The following ADAM28 variants were observed in gnomAD, a reference collection of about 807,000 sequenced individuals.
The protein encoded by ADAM28 is disintegrin and metalloproteinase domain-containing protein 28.
ADAM28 carries 105 observed loss-of-function variants against 101.2 expected under a neutral mutation model. The observed-to-expected ratio is 1.04, with a 90% CI of 0.89 to 1.22. ADAM28 has a LOEUF of 1.22. Ranked by LOEUF, ADAM28 falls within the 50% of genes most tolerant of loss-of-function variation. The pLI, the probability that ADAM28 is intolerant of heterozygous loss-of-function variation, is 0.00. For synonymous variants in ADAM28, 322 were observed against 310.6 expected (o/e 1.04, Z -0.39); for missense variants, 1,028 against 945.4 (o/e 1.09, Z -1.15).
chr8:24,318,129 C>T (rs981479031), intron 6 of ADAM28, among the ~76,000 whole-genome samples: 5 of 151,946 alleles, frequency 3.3e-5, no homozygotes, highest in East Asian at 1.9e-4. Context: ...TACTTGAACA[C>T]GGTTTGAACA....
At position 24,300,056 on chromosome 8, in the gene ADAM28, G is replaced by T. The variant is rs148373608; in HGVS notation, c.129G>T (p.Glu43Asp). 2.9e-4 allele frequency: 462 copies of T among 1,613,434 alleles called. No homozygotes were observed. The highest frequency in any genetic ancestry group is 3.8e-4 in the Non-Finnish European group (453 of 1,179,920). ...PIRLHPLHKR[E>D]AKEPEQQEQF... Reference sequence around the variant, plus strand: ...GACTTCATCCACTGCATAAAAGAGAGGCCAAAGAGCCAGAGCAACAGGTAC... The same window carrying T: ...GACTTCATCCACTGCATAAAAGAGATGCCAAAGAGCCAGAGCAACAGGTAC... The change falls in exon 2 of 23, where the codon GAG becomes GAT. Residue 43 changes from glutamate (E) to aspartate (D), a missense_variant. Glu to Asp is a conservative substitution (Grantham distance 45, BLOSUM62 2). Transcript: ENST00000265769.
chr8:24,325,033 G>T (rs1812357333), intron 9 of ADAM28: 1 of 151,956 alleles, frequency 6.6e-6, no homozygotes, highest in South Asian at 2.1e-4. Flanking sequence ...TGCAAGGCTG[G>T]TTCATTGAGG....
chr8:24,340,645 T>A (rs1814648678), intron 15 of ADAM28, among the ~76,000 whole-genome samples: 1 of 152,172 alleles, frequency 6.6e-6, no homozygotes, highest in Non-Finnish European at 1.5e-5. Context: ...TTCTCAGTAG[T>A]CATTGGCTAT....
intron 2 of ADAM28, among the ~76,000 whole-genome samples, chr8:24,308,999 A>G (rs1325151115): frequency 2.0e-5 from 3 of 152,184 alleles, no homozygotes; most frequent in Non-Finnish European, 4.4e-5. Flanking sequence ...GATATCTTTA[A>G]TGACAATAAC....
At position 24,294,193 on chromosome 8, in the gene ADAM28, C is replaced by T. The variant is rs750962690; in HGVS notation, c.44C>T (p.Ala15Val). The T allele has an allele frequency of 6.2e-7, 1 of 1,613,976 alleles. No individual in the cohort carries two copies. The highest frequency in any genetic ancestry group is 1.3e-5 in the African/African-American group (1 of 74,910). The change falls in exon 1 of 23, where the codon GCA (alanine) becomes GTA (valine). Residue 15 changes from alanine to valine, a missense_variant and splice_region_variant. Coordinates refer to ENST00000265769, the MANE Select transcript of ADAM28 (RefSeq NM_014265.6). ...CCAGTCAGTCTCCTCCTCTCTGTTGCAGGTACATATTTAGCTCTTTTTCAG... is the reference window on the plus strand; with the variant it reads ...CCAGTCAGTCTCCTCCTCTCTGTTGTAGGTACATATTTAGCTCTTTTTCAG... ...LLPVSLLLSV[A>V]VSAIKELPGV...
At chr8:24,333,712 G>T (rs1813663520) in intron 13 of ADAM28, among the ~76,000 whole-genome samples, 1 of 151,946 alleles carries the variant, frequency 6.6e-6, no homozygotes, top group Non-Finnish European at 1.5e-5. Context: ...AGTAGTGTGG[G>T]GGTATCCCCA....
rs1488985028 is a variant in ADAM28 at position 24,351,253 on chromosome 8, C to T, written c.2121C>T (p.Thr707=). Residue 707 remains threonine (T), a synonymous_variant, in exon 20 of 23, where the codon ACC becomes ACT. Coordinates refer to ENST00000265769, the MANE Select transcript of ADAM28 (RefSeq NM_014265.6). ...ACAGGCCACTATCTACCACTGGCAC[C>T]AGGCCACACAAACAGAAGAGGAAAC... ...KDQRPLSTTG[T]RPHKQKRKPQ... 1.9e-6 allele frequency: 3 copies of T among 1,606,886 alleles called. No homozygotes were observed. The highest frequency in any genetic ancestry group is 2.5e-6 in the Non-Finnish European group (3 of 1,176,750).
intron 9 of ADAM28, among the ~76,000 whole-genome samples, chr8:24,325,441 C>CTG (rs1367944509): frequency 1.3e-5 from 2 of 151,936 alleles, no homozygotes; most frequent in African/African-American, 4.8e-5. Flanking sequence ...TCCGAATATA[C>CTG]TGTTTACTTA....
chr8:24,353,883 T>TGTCA (rs771247913), intron 22 of ADAM28, 51 bp downstream of exon 22: 4 of 1,294,324 alleles, frequency 3.1e-6, no homozygotes, highest in Non-Finnish European at 4.4e-6. Flanking sequence ...AATCTCCTAC[T>TGTCA]GTCAAGAGAA....
At chr8:24,297,796 C>A (rs1808175283) in intron 1 of ADAM28, among the ~76,000 whole-genome samples, 1 of 152,098 alleles carries the variant, frequency 6.6e-6, no homozygotes, top group African/African-American at 2.4e-5. Flanking sequence ...AAAATAATTA[C>A]AATAATTAGA....
rs1012985949 is a variant in ADAM28, at chr8:24,296,784, G to T, written c.46+2589G>T. ...TAAAATGAATTAGTAAAAACATATT[G>T]TGTTACACCTTGGATTTGTGTAATC... On this transcript the variant is annotated intron_variant, in intron 1 of 22. Transcript: ENST00000265769. 4.6e-5 allele frequency among the ~76,000 whole-genome samples: 7 copies of T among 152,290 alleles called. No individual in the cohort carries two copies. In the South Asian group the frequency reaches 8.3e-4, roughly 18 times the overall value.
Position 24,320,274 on chromosome 8 carries a change from C to G in ADAM28, c.615C>G (p.Tyr205Ter). Residue 205 changes from tyrosine (Y) to a stop codon, truncating the protein, a stop_gained, in exon 7 of 23, where the codon TAC becomes TAG. Transcript: ENST00000265769. LOFTEE classifies it high-confidence loss of function. Reference sequence around the variant, plus strand: ...GGAAGGTTCAGGAACATGAGAAATACATAGAATATTATTTGGTCCTGGATA... The same window carrying G: ...GGAAGGTTCAGGAACATGAGAAATAGATAGAATATTATTTGGTCCTGGATA... ...KDRKVQEHEKYIEYYLVLDNG... is the reference protein window; with the variant it reads ...KDRKVQEHEK 2 of 1,603,156 alleles carry G rather than the reference C, an allele frequency of 1.2e-6. No homozygotes were observed. Among genetic ancestry groups the G allele is most frequent in the Non-Finnish European group, 1.7e-6 (2 of 1,172,068 alleles).
At chr8:24,305,680 CT>C (rs1350440615) in intron 2 of ADAM28, among the ~76,000 whole-genome samples, 1 of 151,724 alleles carries the variant, frequency 6.6e-6, no homozygotes, top group Non-Finnish European at 1.5e-5. Flanking sequence ...CAATTAGAAC[CT>C]TTTAATGTTC....
intron 2 of ADAM28, among the ~76,000 whole-genome samples, chr8:24,304,105 CAAGTG>C (rs1321714892): frequency 1.3e-5 from 2 of 151,284 alleles, no homozygotes; most frequent in African/African-American, 4.9e-5. Context: ...AATTTAAACA[CAAGTG>C]AAGTGTTTTT....
rs1816750366 is a variant in ADAM28, at chr8:24,357,367, C to A, written c.*2963C>A. ...GTTTTCACATGGCTATAAAGAATAC[C>A]ACCTGAGACTGGGTAATTTATAAAG... On this transcript the variant is annotated 3_prime_UTR_variant, in exon 23 of 23. Coordinates refer to ENST00000265769, the MANE Select transcript of ADAM28 (RefSeq NM_014265.6). 1 of 152,058 alleles carries A rather than the reference C, an allele frequency of 6.6e-6. No individual in the cohort carries two copies. Among genetic ancestry groups the A allele is most frequent in the African/African-American group, 2.4e-5 (1 of 41,386 alleles). The allele number at this position is 152,058 out of a possible 1,614,324, so 9.4% of individuals were successfully genotyped here. A position where few individuals can be genotyped will look rare whatever the true frequency, so the allele number is the denominator to read the frequency against.
At chr8:24,342,519 G>A (rs1469077087) in intron 16 of ADAM28, among the ~76,000 whole-genome samples, 1 of 152,052 alleles carries the variant, frequency 6.6e-6, no homozygotes, top group African/African-American at 2.4e-5. Flanking sequence ...AAAATATTAG[G>A]TCTTGCCTAT....
rs1374148663 is a variant in ADAM28, at chr8:24,313,451, T to C, written c.447T>C (p.Asp149=). The C allele has an allele frequency of 3.1e-6, 5 of 1,613,694 alleles. No homozygotes were observed. The highest frequency in any genetic ancestry group is 4.2e-6 in the Non-Finnish European group (5 of 1,179,824). ...AACCTTTAAGCCCCATACATCGGGA[T>C]GGACAGGAGCATGCACTCTTCAAGT... ...FIEPLSPIHR[D]GQEHALFKYN... The change falls in exon 6 of 23, where the codon GAT becomes GAC. Residue 149 remains aspartate (D), a synonymous_variant. Transcript: ENST00000265769.
chr8:24,300,028 T>C lies in ADAM28; in HGVS notation c.101T>C (p.Ile34Thr), dbSNP rs1459377881. Residue 34 changes from isoleucine (I) to threonine (T), a missense_variant, in exon 2 of 23, where the codon ATA becomes ACA. By Grantham distance (89) the Ile-to-Thr change is moderately conservative. Coordinates refer to ENST00000265769, the MANE Select transcript of ADAM28 (RefSeq NM_014265.6). Reference sequence around the variant, plus strand: ...AAGAAGTATGAAGTGGTTTATCCTATAAGACTTCATCCACTGCATAAAAGA... The same window carrying C: ...AAGAAGTATGAAGTGGTTTATCCTACAAGACTTCATCCACTGCATAAAAGA... The part of the protein sequence containing the change: ...GVKKYEVVYP[I>T]RLHPLHKREA... 2 of 1,613,790 alleles carry C rather than the reference T, an allele frequency of 1.2e-6. No homozygotes were observed. Among genetic ancestry groups the C allele is most frequent in the East Asian group, 4.5e-5 (2 of 44,844 alleles).
Position 24,326,644 on chromosome 8 carries a change from G to C in ADAM28, c.972+9G>C, listed in dbSNP as rs1425382175. 10 of 1,605,110 alleles carry C rather than the reference G, an allele frequency of 6.2e-6. No individual in the cohort carries two copies. In the South Asian group the frequency reaches 1.1e-4, roughly 18 times the overall value. ...CTGTTGGCGTTGTTCAGGTCTGTAT[G>C]ATGATAAACTGTTGGTTCTATGATT... On this transcript the variant is annotated intron_variant, in intron 10 of 22. Transcript: ENST00000265769.
Sources: allele counts gnomAD v4.1 joint callset (sites outside exome capture counted in the v4.1 genomes callset), GRCh38; gene constraint gnomAD v4.1.1; transcripts MANE v1.5; gene names NCBI Gene and HGNC (gene_info 2026-07-23, HGNC 2026-07-21).